The following CRHBP variants were observed in gnomAD, a reference collection of about 807,000 sequenced individuals.
CRHBP encodes the protein corticotropin-releasing hormone-binding protein.
A neutral mutation model predicts 34.9 loss-of-function variants in CRHBP; 19 were observed. The ratio of observed to expected loss-of-function variants is 0.55; its 90% CI spans 0.38 to 0.80. The LOEUF (loss-of-function observed/expected upper bound fraction) is 0.80, where lower values mean the gene tolerates loss of function less well. Ranked by LOEUF, CRHBP falls within the 30% of genes least tolerant of loss-of-function variation. The probability of loss-of-function intolerance (pLI) is 0.00; values close to 1 mark genes in which losing one functional copy is unlikely to be tolerated. For synonymous variants in CRHBP, 154 were observed against 153.4 expected, an observed-to-expected ratio of 1.00 and a Z score of -0.03; for missense variants, 328 against 409.2, an observed-to-expected ratio of 0.80 and a Z score of 1.71.
At position 76,954,506 on chromosome 5, in the gene CRHBP, A is replaced by ACG. The variant is rs558673859; in HGVS notation, c.333+321_333+322insGC. ...TAAAGACTTGAACTCGCAGCGCGGA[A>ACG]CTCTGACGCAATCCAGGGCCGAGGA... On this transcript the variant is annotated intron_variant, in intron 3 of 6. Transcript: ENST00000274368. Among the ~76,000 whole-genome samples the ACG allele has an allele frequency of 8.4e-5, 11 of 130,640 alleles. No individual in the cohort carries two copies. The South Asian group carries it at 2.0e-3, about 24-fold the overall frequency. The allele number at this position is 130,640 out of a possible 152,430, so 85.7% of individuals were successfully genotyped here.
At chr5:76,978,426 T>C (rs367929893) in intron 3 of CRHBP, among the ~76,000 whole-genome samples, 25 of 152,326 alleles carry the variant, frequency 1.6e-4, no homozygotes, top group African/African-American at 6.0e-4. Flanking sequence ...AGAAGTATGC[T>C]GAGTCTACTC....
chr5:76,955,050 T>G (rs2150704719), intron 3 of CRHBP, among the ~76,000 whole-genome samples: 1 of 152,326 alleles, frequency 6.6e-6, no homozygotes, highest in African/African-American at 2.4e-5. Flanking sequence ...TTTGTTCAAC[T>G]GCAAACTTTA....
intron 4 of CRHBP, among the ~76,000 whole-genome samples, chr5:76,956,948 G>GA (rs1335174633): frequency 2.6e-5 from 4 of 152,010 alleles, no homozygotes; most frequent in African/African-American, 9.7e-5. Flanking sequence ...AAGAATTTTT[G>GA]AAAAAGCCCC....
chr5:76,977,142 G>A (rs1489938411), intron 3 of CRHBP, among the ~76,000 whole-genome samples: 1 of 152,182 alleles, frequency 6.6e-6, no homozygotes, highest in African/African-American at 2.4e-5. Context: ...GATGAGGCTG[G>A]TGTAACGTTC....
rs533195230 is a variant in CRHBP at position 76,955,710 on chromosome 5, C to T, written c.391C>T (p.Leu131Phe). Reference sequence around the variant, plus strand: ...GTTCCCCAGTTCCCAGGATCATCCTCTCCCCTCAGCTGAGCGGTACATAGA... The same window carrying T: ...GTTCCCCAGTTCCCAGGATCATCCTTTCCCCTCAGCTGAGCGGTACATAGA... ...EKFPSSQDHPLPSAERYIDFC... is the reference protein window; with the variant it reads ...EKFPSSQDHPFPSAERYIDFC... Residue 131 changes from leucine to phenylalanine, a missense_variant, in exon 4 of 7, where the codon CTC becomes TTC. Leu to Phe is a conservative substitution (Grantham distance 22, BLOSUM62 0). Coordinates refer to ENST00000274368, the MANE Select transcript of CRHBP (RefSeq NM_001882.4). 2 of 1,614,224 alleles carry T rather than the reference C, an allele frequency of 1.2e-6. No homozygotes were observed. The highest frequency in any genetic ancestry group is 4.5e-5 in the East Asian group (2 of 44,886).
chr5:76,976,458 C>T (rs574572304), exon 3 of CRHBP: 1 of 152,280 alleles, frequency 6.6e-6, no homozygotes, highest in African/African-American at 2.4e-5. Context: ...AAGATCTAGA[C>T]CTATAAGTAT....
chr5:76,974,885 A>G (rs971049126), intron 2 of CRHBP, among the ~76,000 whole-genome samples: 1 of 152,240 alleles, frequency 6.6e-6, no homozygotes, highest in Non-Finnish European at 1.5e-5. Flanking sequence ...ATTTGAAAAC[A>G]TAATGAAATA....
chr5:76,961,744 GTTTGTTTTGT>G (rs537168758), intron 5 of CRHBP, among the ~76,000 whole-genome samples: 79 of 151,846 alleles, frequency 5.2e-4, no homozygotes, highest in African/African-American at 1.8e-3. Flanking sequence ...GTGTTTTTTT[GTTTGTTTTGT>G]TTTGTTTTGT....
rs1745910888 is a variant in CRHBP at position 76,969,409 on chromosome 5, A to G, written c.*524A>G. 1 of 152,700 alleles carries G rather than the reference A, an allele frequency of 6.5e-6. No individual in the cohort carries two copies. The highest frequency in any genetic ancestry group is 6.5e-5 in the Admixed American group (1 of 15,288). The allele number at this position is 152,700 out of a possible 1,614,324, so 9.5% of individuals were successfully genotyped here. A position where few individuals can be genotyped will look rare whatever the true frequency, so the allele number is the denominator to read the frequency against. ...CTTGTTTTTAACCAAACTTTGTAGCATGGAAAAAATTTTCCATCCACAAAT... is the reference window on the plus strand; with the variant it reads ...CTTGTTTTTAACCAAACTTTGTAGCGTGGAAAAAATTTTCCATCCACAAAT... On this transcript the variant is annotated 3_prime_UTR_variant, in exon 7 of 7. Coordinates refer to ENST00000274368, the MANE Select transcript of CRHBP (RefSeq NM_001882.4).
chr5:76,972,082 T>C (rs751140634), downstream of CRHBP, among the ~76,000 whole-genome samples: 6 of 152,128 alleles, frequency 3.9e-5, no homozygotes, highest in Non-Finnish European at 5.9e-5. Context: ...TGCTCTATTA[T>C]GCAGGCTGGA....
In CRHBP at chr5:76,954,030, G is replaced by A. The variant is rs77348138; in HGVS notation, c.177G>A (p.Arg59=). ...TTGCCCCATGCCCTCCTCCCCCAGG[G>A]TGCCTGGACATGCTGAGCCTCCAGG... ...AGEQPYRRAL[R]CLDMLSLQGQ... Residue 59 remains arginine (R), a splice_region_variant and synonymous_variant, in exon 3 of 7, where the codon CGG becomes CGA. Transcript: ENST00000274368. 5 of 1,612,404 alleles carry A rather than the reference G, an allele frequency of 3.1e-6. No homozygotes were observed. The highest frequency in any genetic ancestry group is 1.7e-5 in the Admixed American group (1 of 59,874).
intron 3 of CRHBP, among the ~76,000 whole-genome samples, chr5:76,980,294 G>C (rs1307681434): frequency 6.6e-6 from 1 of 150,860 alleles, no homozygotes; most frequent in East Asian, 1.9e-4. Flanking sequence ...AGTGGGGCCA[G>C]GATTCAGACT....
chr5:76,977,564 G>C (rs1746058524), intron 3 of CRHBP, among the ~76,000 whole-genome samples: 1 of 152,196 alleles, frequency 6.6e-6, no homozygotes, highest in South Asian at 2.1e-4. Context: ...TGTGCCCATA[G>C]AAGACAGTGA....
At chr5:76,980,219 C>T (rs1390649060) in intron 3 of CRHBP, among the ~76,000 whole-genome samples, 1 of 134,548 alleles carries the variant, frequency 7.4e-6, no homozygotes, top group East Asian at 2.3e-4. Flanking sequence ...CGCGCCACTG[C>T]ACTCCAGCCT....
rs887617111 is a variant in CRHBP at position 76,980,014 on chromosome 5, G to A, written n.468-947G>A. On this transcript the variant is annotated intron_variant and non_coding_transcript_variant, in intron 3 of 3. Coordinates refer to the CRHBP transcript ENST00000514258. ...CGCCTGTAATGCCAGCACTTTGGGAGGCCGAGGCGGGCGGATCACGAGGTC... is the reference window on the plus strand; with the variant it reads ...CGCCTGTAATGCCAGCACTTTGGGAAGCCGAGGCGGGCGGATCACGAGGTC... Among the ~76,000 whole-genome samples, 3 of 150,496 alleles carry A rather than the reference G, an allele frequency of 2.0e-5. No individual in the cohort carries two copies. In the South Asian group the frequency reaches 6.4e-4, roughly 32 times the overall value.
In CRHBP at chr5:76,953,228, T is replaced by C; in HGVS notation, c.81+13T>C. On this transcript the variant is annotated intron_variant, in intron 1 of 6. Coordinates refer to ENST00000274368, the MANE Select transcript of CRHBP (RefSeq NM_001882.4). ...CCGGTACCTAGAGGTGAGCCACCCC[T>C]GGACTGACCCATCTCACCTTCCTTG... is the stretch of plus-strand genomic sequence containing the variant. 6.2e-7 allele frequency: 1 copy of C among 1,612,356 alleles called. No homozygotes were observed. The highest frequency in any genetic ancestry group is 1.3e-5 in the African/African-American group (1 of 75,022).
intron 6 of CRHBP, among the ~76,000 whole-genome samples, chr5:76,965,120 G>T (rs1276739691): frequency 6.6e-6 from 1 of 152,118 alleles, no homozygotes; most frequent in Non-Finnish European, 1.5e-5. Flanking sequence ...TATATGGGAG[G>T]ATGTGTGTAG....
rs577642181 is a variant in CRHBP, at chr5:76,968,824, C to T, written c.908C>T (p.Pro303Leu). The T allele has an allele frequency of 1.6e-5, 26 of 1,613,980 alleles. No individual in the cohort carries two copies. Among genetic ancestry groups the T allele is most frequent in the Admixed American group, 3.3e-5 (2 of 60,000 alleles). ...ACTTTTGAGTATCGTCAGCTGGAGCCGTACGAGCTGGAAAACCCAAATGGA... is the reference window on the plus strand; with the variant it reads ...ACTTTTGAGTATCGTCAGCTGGAGCTGTACGAGCTGGAAAACCCAAATGGA... ...RVTFEYRQLE[P>L]YELENPNGNS... The change falls in exon 7 of 7, where the codon CCG (proline) becomes CTG (leucine). Residue 303 changes from proline (P) to leucine (L), a missense_variant. Pro to Leu is a moderately conservative substitution (Grantham distance 98). Around this residue, in one of 3 missense-constraint regions of CRHBP, gnomAD observed 144 missense variants for 216.7 expected, o/e 0.66. Coordinates refer to ENST00000274368, the MANE Select transcript of CRHBP (RefSeq NM_001882.4).
chr5:76,969,018 C>A lies in CRHBP; in HGVS notation c.*133C>A. 1.2e-6 allele frequency: 1 copy of A among 863,654 alleles called. No individual in the cohort carries two copies. The highest frequency in any genetic ancestry group is 1.7e-6 in the Non-Finnish European group (1 of 576,508). The allele number at this position is 863,654 out of a possible 1,614,324, so 53.5% of individuals were successfully genotyped here. ...TCCCAGCCTTGAGCGCACGCGCGCA[C>A]ACACACACACACATACACACACGCA... On this transcript the variant is annotated 3_prime_UTR_variant, in exon 7 of 7. Coordinates refer to ENST00000274368, the MANE Select transcript of CRHBP (RefSeq NM_001882.4).
Sources: allele counts gnomAD v4.1 joint callset (sites outside exome capture counted in the v4.1 genomes callset), GRCh38; gene constraint gnomAD v4.1.1; regional missense constraint gnomAD v4.1.1; transcripts MANE v1.5; gene names NCBI Gene and HGNC (gene_info 2026-07-23, HGNC 2026-07-21).